TMEM248: variants seen among roughly 807,000 people sequenced by gnomAD.
The protein encoded by TMEM248 is transmembrane protein 248.
TMEM248 carries 9 observed loss-of-function variants against 30.3 expected under a neutral mutation model. That is an observed-to-expected ratio of 0.30 (90% CI 0.18 to 0.52). TMEM248 has a LOEUF of 0.52. Ranked by LOEUF, TMEM248 falls within the 20% of genes least tolerant of loss-of-function variation. The probability of loss-of-function intolerance (pLI) is 0.97; values close to 1 mark genes in which losing one functional copy is unlikely to be tolerated. For missense variants in TMEM248, 338 were observed against 403.3 expected, an observed-to-expected ratio of 0.84 and a Z score of 1.39; for synonymous variants, 184 against 154.4, an observed-to-expected ratio of 1.19 and a Z score of -1.42.
At chr7:66,942,599 G>A (rs1032949040) in intron 2 of TMEM248, among the ~76,000 whole-genome samples, 12 of 152,120 alleles carry the variant, frequency 7.9e-5, no homozygotes, top group Admixed American at 2.0e-4. Context: ...GGGCTCAAGC[G>A]ATTCTCCTGC....
Position 66,948,666 on chromosome 7 carries a change from G to A in TMEM248, c.568G>A (p.Ala190Thr), listed in dbSNP as rs774875294. ...ATTCACAGCCTGCATGACCCTCACG[G>A]CCAGCCCTGGGGTGTTCCCCGTCAC... ...VVFTACMTLT[A>T]SPGVFPVTVQ... is the part of the protein sequence containing the mutation. The change falls in exon 4 of 7, where the codon GCC becomes ACC. Residue 190 changes from alanine (A) to threonine (T), a missense_variant. Transcript: ENST00000341567. The A allele has an allele frequency of 1.2e-6, 2 of 1,613,740 alleles. 1 individual carries two copies. The highest frequency in any genetic ancestry group is 2.2e-5 in the South Asian group (2 of 91,064).
intron 2 of TMEM248, among the ~76,000 whole-genome samples, chr7:66,942,471 A>G (rs1791989468): frequency 6.6e-6 from 1 of 152,230 alleles, no homozygotes; most frequent in Non-Finnish European, 1.5e-5. Flanking sequence ...AAGAAATTCA[A>G]AAACAGGACC....
At chr7:66,949,506 T>C (rs1345396458) in intron 4 of TMEM248, among the ~76,000 whole-genome samples, 1 of 152,190 alleles carries the variant, frequency 6.6e-6, no homozygotes, top group Admixed American at 6.5e-5. Context: ...ATAAAGGTTT[T>C]GTTCATCTCC....
rs530187174 is a variant in TMEM248 at position 66,936,354 on chromosome 7, C to T, written c.-18-5494C>T. On this transcript the variant is annotated intron_variant, in intron 1 of 6. Transcript: ENST00000341567. ...CCTTTATTCTGCTGATATGATGTAT[C>T]GCTTTGATTTATCTGCATATGTTGA... is the stretch of plus-strand genomic sequence containing the variant. Among the ~76,000 whole-genome samples, 4 of 152,222 alleles carry T rather than the reference C, an allele frequency of 2.6e-5. No individual in the cohort carries two copies. The East Asian group carries it at 5.8e-4, about 22-fold the overall frequency.
At chr7:66,934,496 C>T (rs1014263053) in intron 1 of TMEM248, among the ~76,000 whole-genome samples, 15 of 152,170 alleles carry the variant, frequency 9.9e-5, no homozygotes, top group Admixed American at 3.9e-4. Flanking sequence ...CCACTGCGCC[C>T]GGTCCATTCT....
At chr7:66,943,630 A>T (rs1417116721) in intron 2 of TMEM248, among the ~76,000 whole-genome samples, 4 of 152,134 alleles carry the variant, frequency 2.6e-5, no homozygotes, top group African/African-American at 9.7e-5. Context: ...TGAGACTAGA[A>T]TGTTCATTTT....
At position 66,948,615 on chromosome 7, in the gene TMEM248, C is replaced by T; in HGVS notation, c.517C>T (p.Leu173Phe). The T allele has an allele frequency of 2.5e-6, 4 of 1,614,172 alleles. No homozygotes were observed. The highest frequency in any genetic ancestry group is 3.4e-6 in the Non-Finnish European group (4 of 1,180,002). ...PTAWSSDDCA[L>F]HGHCEQVVFT... ...AGCGTGGAGCTCAGATGACTGCGCC[C>T]TCCACGGTCACTGTGAGCAGGTGGT... is the stretch of plus-strand genomic sequence containing the variant. The change falls in exon 4 of 7, where the codon CTC (leucine) becomes TTC (phenylalanine). Residue 173 changes from leucine to phenylalanine, a missense_variant. Coordinates refer to ENST00000341567, the MANE Select transcript of TMEM248 (RefSeq NM_017994.5).
At chr7:66,937,219 A>G (rs914236482) in intron 1 of TMEM248, among the ~76,000 whole-genome samples, 1 of 152,198 alleles carries the variant, frequency 6.6e-6, no homozygotes, top group Non-Finnish European at 1.5e-5. Flanking sequence ...GTGTTTGTAT[A>G]GTTTCCAGAA....
chr7:66,943,003 T>C (rs941866239), intron 2 of TMEM248, among the ~76,000 whole-genome samples: 3 of 150,990 alleles, frequency 2.0e-5, no homozygotes, highest in Non-Finnish European at 2.9e-5. Flanking sequence ...ATTCTAGATC[T>C]TAAGTGATCT....
At position 66,921,454 on chromosome 7, in the gene TMEM248, G is replaced by A. The variant is rs1488875017; in HGVS notation, c.-26G>A. The A allele has an allele frequency of 1.3e-5, 2 of 150,662 alleles. No homozygotes were observed. The highest frequency in any genetic ancestry group is 3.0e-5 in the Non-Finnish European group (2 of 67,542). 9.3% of individuals were successfully genotyped at this position (150,662 alleles called of 1,614,324 possible). A position where few individuals can be genotyped will look rare whatever the true frequency, so the allele number is the denominator to read the frequency against. On this transcript the variant is annotated 5_prime_UTR_variant, in exon 1 of 7. Coordinates refer to ENST00000341567, the MANE Select transcript of TMEM248 (RefSeq NM_017994.5). The stretch of plus-strand genomic sequence containing the variant: ...GGCCCGGGGCGCGCAGCTGCCCGCC[G>A]GGGCGGGGTGAGCCGGGGCTGGAGG...
At chr7:66,943,706 TC>T in intron 2 of TMEM248, among the ~76,000 whole-genome samples, 1 of 152,278 alleles carries the variant, frequency 6.6e-6, no homozygotes, top group East Asian at 1.9e-4. Context: ...ATTTGATAGA[TC>T]CAGTTGCAGT....
chr7:66,955,370 C>A, intron 6 of TMEM248, 132 bp from the exon 7 acceptor site: 1 of 1,072,480 alleles, frequency 9.3e-7, no homozygotes, highest in Non-Finnish European at 1.4e-6. Context: ...GTGAGATTTT[C>A]TTTTTAGGGA....
intron 1 of TMEM248, among the ~76,000 whole-genome samples, chr7:66,921,675 C>A (rs897937879): frequency 6.6e-6 from 1 of 152,234 alleles, no homozygotes; most frequent in Admixed American, 6.5e-5. Flanking sequence ...CCACTCGCGT[C>A]CCCCGAGCCA....
intron 3 of TMEM248, 45 bp from the exon 4 acceptor site, chr7:66,948,499 G>A (rs1792174168): frequency 6.3e-7 from 1 of 1,586,838 alleles, no homozygotes. Context: ...AGAATGACAA[G>A]TACGTGGTTC....
intron 1 of TMEM248, among the ~76,000 whole-genome samples, chr7:66,934,481 G>T (rs1055655022): frequency 3.3e-5 from 5 of 152,160 alleles, no homozygotes; most frequent in Non-Finnish European, 7.3e-5. Context: ...GATTACAGGC[G>T]TGAACCACTG....
At chr7:66,929,922 G>A (rs1042464739) in intron 1 of TMEM248, among the ~76,000 whole-genome samples, 1 of 152,154 alleles carries the variant, frequency 6.6e-6, no homozygotes, top group African/African-American at 2.4e-5. Context: ...GCATTTGGGA[G>A]GCTGACGCGG....
In TMEM248 at chr7:66,957,921, G is replaced by A. The variant is rs531797259; in HGVS notation, c.*2399G>A. 1 of 152,386 alleles carries A rather than the reference G, an allele frequency of 6.6e-6. No individual in the cohort carries two copies. The highest frequency in any genetic ancestry group is 1.9e-4 in the East Asian group (1 of 5,186). 9.4% of individuals were successfully genotyped at this position (152,386 alleles called of 1,614,324 possible). On this transcript the variant is annotated 3_prime_UTR_variant, in exon 7 of 7. Coordinates refer to ENST00000341567, the MANE Select transcript of TMEM248 (RefSeq NM_017994.5). ...TTCTTAAAGATCTTACAGAAACGCA[G>A]AGTCAATCAGGTTTATAAAGGAAGG... is the stretch of plus-strand genomic sequence containing the variant.
Position 66,956,066 on chromosome 7 carries a change from A to G in TMEM248, c.*544A>G, listed in dbSNP as rs1173374820. On this transcript the variant is annotated 3_prime_UTR_variant, in exon 7 of 7. Transcript: ENST00000341567. ...TCTCCATTTTGCTTGCAGGAAACAT[A>G]CCTTAAGTTTTTTTTGTTTTGTTTT... 6.5e-6 allele frequency: 1 copy of G among 152,734 alleles called. No homozygotes were observed. Among genetic ancestry groups the G allele is most frequent in the African/African-American group, 2.4e-5 (1 of 41,430 alleles). 9.5% of individuals were successfully genotyped at this position (152,734 alleles called of 1,614,324 possible).
chr7:66,927,203 G>A (rs1255888736), intron 1 of TMEM248, among the ~76,000 whole-genome samples: 1 of 152,122 alleles, frequency 6.6e-6, no homozygotes, highest in African/African-American at 2.4e-5. Flanking sequence ...CGGGGGGGTT[G>A]AACGTTACCA....
Sources: gnomAD v4.1 joint callset for allele counts (sites outside exome capture counted in the v4.1 genomes callset) on GRCh38, gnomAD v4.1.1 for gene constraint, MANE v1.5 for transcripts, NCBI Gene and HGNC (gene_info 2026-07-23, HGNC 2026-07-21) for gene names.